The following PDZD2 variants were observed in gnomAD, a reference collection of about 807,000 sequenced individuals.
PDZD2 encodes the protein PDZ domain-containing protein 2.
Under a neutral mutation model 220.7 loss-of-function variants are expected in PDZD2, and 90 were observed. The observed-to-expected ratio is 0.41, with a 90% confidence interval of 0.34 to 0.49. The LOEUF (loss-of-function observed/expected upper bound fraction) is 0.49. PDZD2 is among the 20% of genes least tolerant of loss of function. The pLI is 0.28. For synonymous variants in PDZD2, 1,375 were observed against 1,450.5 expected, an observed-to-expected ratio of 0.95 and a Z score of 1.18; for missense variants, 3,174 against 3,608.5, an observed-to-expected ratio of 0.88 and a Z score of 3.08.
intron 1 of PDZD2, among the ~76,000 whole-genome samples, chr5:31,727,112 A>T (rs1182161565): frequency 1.3e-5 from 2 of 152,124 alleles, no homozygotes; most frequent in African/African-American, 2.4e-5. Flanking sequence ...GCCATGAGCG[A>T]TCCACCCCCA....
chr5:31,710,644 C>T (rs1173231880), intron 1 of PDZD2, among the ~76,000 whole-genome samples: 1 of 152,002 alleles, frequency 6.6e-6, no homozygotes, highest in Non-Finnish European at 1.5e-5. Context: ...ATGGTGAAAC[C>T]CTGTCTCTAC....
At chr5:31,844,402 T>C (rs1757481981) in intron 2 of PDZD2, among the ~76,000 whole-genome samples, 1 of 152,198 alleles carries the variant, frequency 6.6e-6, no homozygotes, top group Non-Finnish European at 1.5e-5. Context: ...ACAGAGACCA[T>C]AAAGGAATAT....
In PDZD2 at chr5:32,097,332, G is replaced by C; in HGVS notation, c.7899G>C (p.Leu2633=). The C allele has an allele frequency of 6.2e-7, 1 of 1,613,398 alleles. No individual in the cohort carries two copies. Among genetic ancestry groups the C allele is most frequent in the South Asian group, 1.1e-5 (1 of 91,066 alleles). The part of the protein sequence containing the change: ...IVLNRKEGSG[L]GFSVAGGTDV... The stretch of plus-strand genomic sequence containing the variant: ...TGAATAGAAAAGAAGGCTCAGGTCT[G>C]GGATTCAGTGTGGCAGGAGGGACAG... Residue 2633 remains leucine, a synonymous_variant, in exon 22 of 25, where the codon CTG becomes CTC. Coordinates refer to ENST00000438447, the MANE Select transcript of PDZD2 (RefSeq NM_178140.4).
At chr5:32,048,410 A>T (rs556702223) in intron 7 of PDZD2, 129 bp from the exon 8 acceptor site, 6 of 696,292 alleles carry the variant, frequency 8.6e-6, no homozygotes, top group African/African-American at 1.8e-5. Context: ...CTGTGCTTTG[A>T]GTGTATTGGA....
chr5:32,060,542 G>C (rs1370755869), intron 13 of PDZD2, among the ~76,000 whole-genome samples: 1 of 152,138 alleles, frequency 6.6e-6, no homozygotes, highest in Non-Finnish European at 1.5e-5. Flanking sequence ...GGTGGTCGAG[G>C]GGTTCTGTCA....
chr5:31,889,909 C>G (rs2150346508), intron 2 of PDZD2, among the ~76,000 whole-genome samples: 1 of 152,058 alleles, frequency 6.6e-6, no homozygotes, highest in African/African-American at 2.4e-5. Context: ...GTAATCTCAG[C>G]TACTCGGGAG....
At chr5:32,022,076 A>C (rs1754239427) in intron 6 of PDZD2, among the ~76,000 whole-genome samples, 1 of 152,166 alleles carries the variant, frequency 6.6e-6, no homozygotes, top group African/African-American at 2.4e-5. Context: ...TTGGGGATAC[A>C]GAGATGGCAG....
At chr5:31,962,395 A>G (rs1487753855) in intron 2 of PDZD2, among the ~76,000 whole-genome samples, 2 of 152,190 alleles carry the variant, frequency 1.3e-5, no homozygotes, top group South Asian at 4.1e-4. Context: ...GGGAAAATAA[A>G]TAAATCTCAC....
At chr5:31,945,671 G>A (rs1323797651) in intron 2 of PDZD2, among the ~76,000 whole-genome samples, 2 of 151,738 alleles carry the variant, frequency 1.3e-5, no homozygotes, top group East Asian at 1.9e-4. Context: ...ACCCCCTAGG[G>A]TGTTCTGCCG....
chr5:31,859,540 T>G (rs1190941129), intron 2 of PDZD2, among the ~76,000 whole-genome samples: 1 of 152,248 alleles, frequency 6.6e-6, no homozygotes, highest in East Asian at 1.9e-4. Flanking sequence ...TACTGTTTCT[T>G]GGATGAAAAG....
At chr5:31,993,078 G>A (rs189407299) in intron 3 of PDZD2, among the ~76,000 whole-genome samples, 46 of 152,214 alleles carry the variant, frequency 3.0e-4, no homozygotes, top group Admixed American at 2.6e-3. Context: ...GCTCCTCAAG[G>A]ATGGCTTTTT....
intron 2 of PDZD2, among the ~76,000 whole-genome samples, chr5:31,860,669 A>G (rs146289937): frequency 1.3e-5 from 2 of 152,310 alleles, no homozygotes; most frequent in African/African-American, 2.4e-5. Flanking sequence ...AGCAGTAGTC[A>G]TTAAAAACCA....
intron 1 of PDZD2, among the ~76,000 whole-genome samples, chr5:31,715,674 C>T (rs2150142813): frequency 6.6e-6 from 1 of 152,308 alleles, no homozygotes; most frequent in Non-Finnish European, 1.5e-5. Context: ...CTCCATTTTA[C>T]CAATTGCTAA....
chr5:32,089,579 G>A lies in PDZD2; in HGVS notation c.6131G>A (p.Gly2044Asp). 1 of 1,612,380 alleles carries A rather than the reference G, an allele frequency of 6.2e-7. No homozygotes were observed. The highest frequency in any genetic ancestry group is 8.5e-7 in the Non-Finnish European group (1 of 1,180,006). The change falls in exon 20 of 25, where the codon GGC becomes GAC. Residue 2044 changes from glycine (G) to aspartate (D), a missense_variant. Coordinates refer to ENST00000438447, the MANE Select transcript of PDZD2 (RefSeq NM_178140.4). ...GTGAGTCCGGCAGCGTCTAGGAACGGCATGTCCGTGGCAGGGAACAGACAG... is the reference window on the plus strand; with the variant it reads ...GTGAGTCCGGCAGCGTCTAGGAACGACATGTCCGTGGCAGGGAACAGACAG... Reference protein sequence around the residue: ...GPVSPAASRNGMSVAGNRQSE... With the variant: ...GPVSPAASRNDMSVAGNRQSE...
intron 23 of PDZD2, chr5:32,100,899 C>G: frequency 6.3e-7 from 1 of 1,588,216 alleles, no homozygotes; most frequent in East Asian, 2.3e-5. Flanking sequence ...AGCAGCAACA[C>G]AGCCAGGAGG....
At chr5:32,005,627 T>G (rs1207487269) in intron 5 of PDZD2, among the ~76,000 whole-genome samples, 1 of 152,038 alleles carries the variant, frequency 6.6e-6, no homozygotes, top group Non-Finnish European at 1.5e-5. Context: ...TGGGAACATC[T>G]GTATGTGTGT....
intron 2 of PDZD2, among the ~76,000 whole-genome samples, chr5:31,859,277 T>C (rs984291583): frequency 3.3e-5 from 5 of 152,294 alleles, no homozygotes; most frequent in African/African-American, 1.2e-4. Context: ...AATTAAACCT[T>C]CTCTATTGCA....
At chr5:31,817,142 C>T (rs1296496203) in intron 2 of PDZD2, among the ~76,000 whole-genome samples, 1 of 148,864 alleles carries the variant, frequency 6.7e-6, no homozygotes. Context: ...GCCGAGATCG[C>T]GCCACTGCAC....
Position 31,999,077 on chromosome 5 carries a change from A to G in PDZD2, c.1122-1062A>G, listed in dbSNP as rs140107852. 2.2e-3 allele frequency among the ~76,000 whole-genome samples: 342 copies of G among 152,368 alleles called. 2 individuals carry two copies. The highest frequency in any genetic ancestry group is 7.9e-3 in the African/African-American group (329 of 41,594). ...ACCCTCCCTAGGGGAGGCAGTCCCC[A>G]TGACACCTGAGTCTCTTGCCAGCCC... On this transcript the variant is annotated intron_variant, in intron 4 of 24. Coordinates refer to ENST00000438447, the MANE Select transcript of PDZD2 (RefSeq NM_178140.4).
Sources: gnomAD v4.1 joint callset for allele counts (sites outside exome capture counted in the v4.1 genomes callset) on GRCh38, gnomAD v4.1.1 for gene constraint, MANE v1.5 for transcripts, NCBI Gene and HGNC (gene_info 2026-07-23, HGNC 2026-07-21) for gene names.